BDP1: variants seen among roughly 807,000 people sequenced by gnomAD.
The protein encoded by BDP1 is transcription factor TFIIIB component B'' homolog.
Under a neutral mutation model 266.6 loss-of-function variants are expected in BDP1, and 169 were observed. The observed-to-expected ratio is 0.63, with a 90% CI of 0.56 to 0.72. BDP1 has a LOEUF of 0.72. BDP1 is among the 30% of genes least tolerant of loss of function. BDP1 has a pLI of 0.00. For missense variants in BDP1, 3,015 were observed against 3,053.8 expected, an observed-to-expected ratio of 0.99 and a Z score of 0.30; for synonymous variants, 1,090 against 1,022.4, an observed-to-expected ratio of 1.07 and a Z score of -1.26.
chr5:71,517,468 A>T lies in BDP1; in HGVS notation c.4991+16A>T. 1 of 1,548,110 alleles carries T rather than the reference A, an allele frequency of 6.5e-7. No individual in the cohort carries two copies. Among genetic ancestry groups the T allele is most frequent in the Non-Finnish European group, 8.7e-7 (1 of 1,155,590 alleles). On this transcript the variant is annotated intron_variant, in intron 22 of 38. Coordinates refer to ENST00000358731, the MANE Select transcript of BDP1 (RefSeq NM_018429.3). ...AAACAATCAGGTGAGTTTGCTTTTAATGAGAAAAAATAAGACTTTTCAAAG... is the reference window on the plus strand; with the variant it reads ...AAACAATCAGGTGAGTTTGCTTTTATTGAGAAAAAATAAGACTTTTCAAAG...
At chr5:71,563,043 C>CT in intron 38 of BDP1, 1 of 376,224 alleles carries the variant, frequency 2.7e-6, no homozygotes, top group Middle Eastern at 9.1e-4. Context: ...TAAAGAACAT[C>CT]TTTAAACTTT....
chr5:71,502,468 C>T (rs775638962), intron 14 of BDP1, 131 bp from the exon 15 acceptor site: 135 of 845,962 alleles, frequency 1.6e-4, no homozygotes, highest in Non-Finnish European at 1.9e-4. Context: ...GCCACTGCGC[C>T]CGGGCGGATT....
At chr5:71,506,129 T>C (rs1764561540) in intron 16 of BDP1, among the ~76,000 whole-genome samples, 1 of 152,216 alleles carries the variant, frequency 6.6e-6, no homozygotes, top group Admixed American at 6.5e-5. Flanking sequence ...TTTTTATTTA[T>C]ATTTTTTCAG....
At chr5:71,471,386 C>T (rs1040113165) in intron 7 of BDP1, among the ~76,000 whole-genome samples, 2 of 152,148 alleles carry the variant, frequency 1.3e-5, no homozygotes, top group Non-Finnish European at 2.9e-5. Flanking sequence ...TGGTGATTCA[C>T]CCACCTTGGC....
chr5:71,467,215 T>TA, intron 5 of BDP1, 139 bp from the exon 6 acceptor site: 1 of 673,558 alleles, frequency 1.5e-6, no homozygotes, highest in South Asian at 2.2e-5. Context: ...GCTTGGAAAA[T>TA]ACCCATATTT....
At chr5:71,558,434 A>G (rs181577295) in intron 36 of BDP1, among the ~76,000 whole-genome samples, 28 of 152,094 alleles carry the variant, frequency 1.8e-4, no homozygotes, top group Non-Finnish European at 3.4e-4. Context: ...GAGGCAGGAG[A>G]TTGCTTGAAC....
intron 19 of BDP1, among the ~76,000 whole-genome samples, chr5:71,513,679 A>G (rs908867496): frequency 2.6e-5 from 4 of 151,344 alleles, no homozygotes; most frequent in Admixed American, 1.3e-4. Context: ...TGATTAAACA[A>G]TTTTCTTCAT....
At chr5:71,512,743 G>A (rs115522176) in intron 18 of BDP1, among the ~76,000 whole-genome samples, 3,796 of 152,094 alleles carry the variant, frequency 0.025, 73 homozygotes, top group South Asian at 0.074. Context: ...CAGATAGTTC[G>A]ATTTGTTTTC....
chr5:71,458,903 G>C (rs763042284), intron 2 of BDP1, 48 bp downstream of exon 2: 1 of 1,539,992 alleles, frequency 6.5e-7, no homozygotes, highest in Admixed American at 2.0e-5. Context: ...ATTTATGTTA[G>C]TAAGGAATCA....
At position 71,495,413 on chromosome 5, in the gene BDP1, G is replaced by T; in HGVS notation, c.1799+5G>T. Reference sequence around the variant, plus strand: ...TGACCTAAAAAATAATTCACTGTAAGTATTTTATACGATAGGATTTATTTA... The same window carrying T: ...TGACCTAAAAAATAATTCACTGTAATTATTTTATACGATAGGATTTATTTA... On this transcript the variant is annotated splice_donor_5th_base_variant and intron_variant, in intron 12 of 38. Transcript: ENST00000358731. 1 of 1,549,416 alleles carries T rather than the reference G, an allele frequency of 6.5e-7. No homozygotes were observed. The highest frequency in any genetic ancestry group is 1.4e-5 in the African/African-American group (1 of 73,520).
In BDP1 at chr5:71,549,465, C is replaced by G. The variant is rs749446052; in HGVS notation, c.6854C>G (p.Ala2285Gly). 5.0e-6 allele frequency: 8 copies of G among 1,613,798 alleles called. No homozygotes were observed. The South Asian group carries it at 7.7e-5, about 16-fold the overall frequency. ...CCTCAAGATGGAGAAGATGAACAAG[C>G]CTTTATTTTAACTCTGGTGGAAATC... Reference protein sequence around the residue: ...NVPQDGEDEQAFILTLVEIPA... With the variant: ...NVPQDGEDEQGFILTLVEIPA... Residue 2285 changes from alanine (A) to glycine (G), a missense_variant, in exon 34 of 39, where the codon GCC becomes GGC. Coordinates refer to ENST00000358731, the MANE Select transcript of BDP1 (RefSeq NM_018429.3).
chr5:71,512,348 G>T lies in BDP1; in HGVS notation c.4167G>T (p.Gln1389His). Residue 1389 changes from glutamine to histidine, a missense_variant, in exon 18 of 39, where the codon CAG (glutamine) becomes CAT (histidine). This residue lies in a region of BDP1 where 2,383 missense variants were observed against 2,404.9 expected (regional missense o/e 0.99). Coordinates refer to ENST00000358731, the MANE Select transcript of BDP1 (RefSeq NM_018429.3). ...SHFSHFKISS[Q>H]THESDKTEVQ... ...TCAGTCATTTCAAGATTTCTTCACA[G>T]ACTCATGAATCTGATAAAACAGAAG... The T allele has an allele frequency of 6.3e-7, 1 of 1,598,392 alleles. No individual in the cohort carries two copies. The highest frequency in any genetic ancestry group is 8.5e-7 in the Non-Finnish European group (1 of 1,175,920).
chr5:71,532,654 A>G (rs372866103), intron 26 of BDP1, among the ~76,000 whole-genome samples: 2 of 152,362 alleles, frequency 1.3e-5, no homozygotes, highest in East Asian at 3.8e-4. Context: ...ATTCAGTTGC[A>G]TTAAATTTAT....
At position 71,551,097 on chromosome 5, in the gene BDP1, G is replaced by GTTTA. The variant is rs151155386; in HGVS notation, c.6995+1519_6995+1522dup. The stretch of plus-strand genomic sequence containing the variant: ...TTTATTTTATTATTATTTTTTAGTT[G>GTTTA]TTTATTTATTTATTTATTTATTTAT... On this transcript the variant is annotated intron_variant, in intron 34 of 38. Coordinates refer to ENST00000358731, the MANE Select transcript of BDP1 (RefSeq NM_018429.3). 1.0e-3 allele frequency among the ~76,000 whole-genome samples: 154 copies of GTTTA among 149,658 alleles called. 1 individual carries two copies. Among genetic ancestry groups the GTTTA allele is most frequent in the Middle Eastern group, 3.5e-3 (1 of 288 alleles).
At chr5:71,540,398 G>A (rs1766894096) in intron 28 of BDP1, among the ~76,000 whole-genome samples, 1 of 152,086 alleles carries the variant, frequency 6.6e-6, no homozygotes, top group Admixed American at 6.5e-5. Context: ...TGCGATCTTG[G>A]CTCACTGCAA....
intron 7 of BDP1, among the ~76,000 whole-genome samples, chr5:71,479,928 G>A (rs996412874): frequency 8.2e-6 from 1 of 121,648 alleles, no homozygotes; most frequent in African/African-American, 2.9e-5. Flanking sequence ...TAATTTTTTG[G>A]TCTCCGTCAC....
chr5:71,486,011 C>T (rs1561695277), intron 8 of BDP1, among the ~76,000 whole-genome samples: 1 of 152,152 alleles, frequency 6.6e-6, no homozygotes, highest in Non-Finnish European at 1.5e-5. Flanking sequence ...ATGCTGTCCT[C>T]CTGGCCCAAG....
chr5:71,561,332 C>T (rs1183895551), intron 37 of BDP1, among the ~76,000 whole-genome samples: 12 of 150,628 alleles, frequency 8.0e-5, no homozygotes, highest in African/African-American at 2.9e-4. Context: ...ACCCAGGAGG[C>T]GGAGGGTGCG....
Position 71,509,607 on chromosome 5 carries a change from G to T in BDP1, c.2515G>T (p.Val839Phe). 6.2e-7 allele frequency: 1 copy of T among 1,613,900 alleles called. No homozygotes were observed. The highest frequency in any genetic ancestry group is 1.1e-5 in the South Asian group (1 of 90,992). ...SKEEVLEKIL[V>F]SGEMAAALRE... ...GGAAGAGGTACTAGAGAAGATTCTT[G>T]TCTCTGGGGAAATGGCGGCAGCATT... Residue 839 changes from valine to phenylalanine, a missense_variant, in exon 17 of 39, where the codon GTC becomes TTC. Around this residue, in one of 3 missense-constraint regions of BDP1, gnomAD observed 2,383 missense variants for 2,404.9 expected, o/e 0.99. Transcript: ENST00000358731.
Sources: gnomAD v4.1 joint callset for allele counts (sites outside exome capture counted in the v4.1 genomes callset) on GRCh38, gnomAD v4.1.1 for gene constraint, gnomAD v4.1.1 regional missense constraint, MANE v1.5 for transcripts, NCBI Gene and HGNC (gene_info 2026-07-23, HGNC 2026-07-21) for gene names.